Variants in UBE2W observed in about 807,000 individuals in gnomAD.
UBE2W encodes the protein ubiquitin conjugating enzyme E2 W.
Under a neutral mutation model 27.2 loss-of-function variants are expected in UBE2W, and 18 were observed. The ratio of observed to expected loss-of-function variants is 0.66; its 90% CI spans 0.46 to 0.98. UBE2W has a LOEUF of 0.98. Among genes scored for constraint, UBE2W ranks in the 50% least tolerant of loss-of-function variants. The probability of loss-of-function intolerance (pLI) is 0.00; values close to 1 mark genes in which losing one functional copy is unlikely to be tolerated. For missense variants in UBE2W, 90 were observed against 180.2 expected, an observed-to-expected ratio of 0.50 and a Z score of 2.87; for synonymous variants, 53 against 57.2, an observed-to-expected ratio of 0.93 and a Z score of 0.33.
In UBE2W at chr8:73,793,833, AAAAT is replaced by A. The variant is rs1297520381; in HGVS notation, c.*265_*268del. The A allele has an allele frequency of 8.5e-7, 1 of 1,177,002 alleles. No homozygotes were observed. Among genetic ancestry groups the A allele is most frequent in the Admixed American group, 4.5e-5 (1 of 22,282 alleles). The allele number at this position is 1,177,002 out of a possible 1,614,324, so 72.9% of individuals were successfully genotyped here. A position where few individuals can be genotyped will look rare whatever the true frequency, so the allele number is the denominator to read the frequency against. On this transcript the variant is annotated 3_prime_UTR_variant, in exon 6 of 6. Transcript: ENST00000602593. Reference sequence around the variant, plus strand: ...CCTGGAGCTTTTCCAAAAGCTTAAAAAAATAAAAATAAAAAATGGAATTATATTT... The same window carrying A: ...CCTGGAGCTTTTCCAAAAGCTTAAAAAAAAATAAAAAATGGAATTATATTT...
At chr8:73,857,183 A>C (rs889168473) in intron 1 of UBE2W, among the ~76,000 whole-genome samples, 3 of 152,166 alleles carry the variant, frequency 2.0e-5, no homozygotes, top group Admixed American at 2.0e-4. Context: ...GGATTTTACC[A>C]ATACTTTCTC....
chr8:73,817,338 A>G (rs896884637), intron 3 of UBE2W, among the ~76,000 whole-genome samples: 12 of 152,274 alleles, frequency 7.9e-5, no homozygotes, highest in Non-Finnish European at 1.6e-4. Context: ...AAAAATAATA[A>G]TGATAATTAA....
chr8:73,793,554 A>C lies in UBE2W; in HGVS notation c.*548T>G. ...GTCCTTTAAAGACGCATGTTAATTC[A>C]TGCTGTTAACCTTAGGATCACAGTG... On this transcript the variant is annotated 3_prime_UTR_variant, in exon 6 of 6. Coordinates refer to ENST00000602593, the MANE Select transcript of UBE2W (RefSeq NM_018299.6). The C allele has an allele frequency of 1.0e-6, 1 of 985,940 alleles. No homozygotes were observed. Among genetic ancestry groups the C allele is most frequent in the Middle Eastern group, 5.2e-4 (1 of 1,914 alleles). 61.1% of individuals were successfully genotyped at this position (985,940 alleles called of 1,614,324 possible).
At position 73,786,549 on chromosome 8, in the gene UBE2W, G is replaced by C. The variant is rs1461964702; in HGVS notation, c.*7553C>G. 1 of 985,344 alleles carries C rather than the reference G, an allele frequency of 1.0e-6. No homozygotes were observed. The highest frequency in any genetic ancestry group is 1.2e-6 in the Non-Finnish European group (1 of 829,946). The allele number at this position is 985,344 out of a possible 1,614,324, so 61.0% of individuals were successfully genotyped here. On this transcript the variant is annotated 3_prime_UTR_variant, in exon 6 of 6. Coordinates refer to ENST00000602593, the MANE Select transcript of UBE2W (RefSeq NM_018299.6). ...TGGTAGGGAGAGAAGAAAGGACAAG[G>C]ATGATAACCTTTCAGCTACCTTTGA... is the stretch of plus-strand genomic sequence containing the variant.
At chr8:73,796,054 C>G (rs1387471279) in intron 5 of UBE2W, 1 of 83,746 alleles carries the variant, frequency 1.2e-5, no homozygotes, top group South Asian at 5.3e-4. Context: ...CTAGCCAACA[C>G]CATCTCCAAA....
intron 5 of UBE2W, among the ~76,000 whole-genome samples, chr8:73,795,295 T>A (rs1444970379): frequency 6.6e-6 from 1 of 152,100 alleles, no homozygotes; most frequent in Non-Finnish European, 1.5e-5. Context: ...TCAGGAATGG[T>A]TTGGTGCCCT....
intron 1 of UBE2W, among the ~76,000 whole-genome samples, chr8:73,858,490 A>G (rs1163141416): frequency 1.3e-5 from 2 of 152,048 alleles, no homozygotes; most frequent in Non-Finnish European, 2.9e-5. Context: ...TTGCCAATTC[A>G]AGAAATTATC....
intron 1 of UBE2W, among the ~76,000 whole-genome samples, chr8:73,856,824 G>A (rs1442423701): frequency 6.6e-6 from 1 of 151,962 alleles, no homozygotes; most frequent in African/African-American, 2.4e-5. Context: ...TTGTGCCTCA[G>A]CCTCCCAAGT....
At chr8:73,821,934 C>T (rs73338467) in intron 3 of UBE2W, among the ~76,000 whole-genome samples, 5,165 of 152,218 alleles carry the variant, frequency 0.034, 259 homozygotes, top group African/African-American at 0.11. Context: ...TAGTCAAGGC[C>T]TGTAAAGTGT....
At chr8:73,781,311 ATTAG>A (rs1267908705), downstream of UBE2W, among the ~76,000 whole-genome samples, 1 of 151,664 alleles carries the variant, frequency 6.6e-6, no homozygotes, top group Admixed American at 6.6e-5. Context: ...CTTTCCAGCT[ATTAG>A]TTAATGGGCA....
At chr8:73,802,747 G>C (rs1435224100) in intron 5 of UBE2W, among the ~76,000 whole-genome samples, 2 of 152,148 alleles carry the variant, frequency 1.3e-5, no homozygotes, top group African/African-American at 4.8e-5. Context: ...AAATTGGCCG[G>C]GTGTGGAGGC....
intron 1 of UBE2W, among the ~76,000 whole-genome samples, chr8:73,861,308 A>T (rs1323063340): frequency 6.6e-6 from 1 of 152,164 alleles, no homozygotes; most frequent in East Asian, 1.9e-4. Context: ...TAGTGAACTG[A>T]TAAGTTCAGC....
intron 1 of UBE2W, among the ~76,000 whole-genome samples, chr8:73,852,423 G>T (rs1811119073): frequency 6.6e-6 from 1 of 152,080 alleles, no homozygotes; most frequent in African/African-American, 2.4e-5. Flanking sequence ...TGAAATATTT[G>T]TTTTCTGAAA....
chr8:73,781,619 G>GTTTTTTTTT (rs112691687), downstream of UBE2W, among the ~76,000 whole-genome samples: 3 of 140,916 alleles, frequency 2.1e-5, no homozygotes, highest in African/African-American at 2.5e-5. Flanking sequence ...TCAGGTTTGG[G>GTTTTTTTTT]TTTTTTTTTT....
At chr8:73,836,368 C>T (rs1312008414) in intron 1 of UBE2W, among the ~76,000 whole-genome samples, 1 of 152,210 alleles carries the variant, frequency 6.6e-6, no homozygotes, top group East Asian at 1.9e-4. Flanking sequence ...GTACATACTA[C>T]ATTCACAAAT....
At chr8:73,825,029 G>C (rs1363488127) in intron 3 of UBE2W, 118 bp downstream of exon 3, 1 of 618,004 alleles carries the variant, frequency 1.6e-6, no homozygotes, top group Admixed American at 3.0e-5. Context: ...ATAAGATAAT[G>C]AAATAACAAA....
intron 1 of UBE2W, among the ~76,000 whole-genome samples, chr8:73,856,662 T>C (rs1045450252): frequency 6.6e-6 from 1 of 152,008 alleles, no homozygotes; most frequent in African/African-American, 2.4e-5. Flanking sequence ...GCCACACTTA[T>C]GCATTTCTAA....
At chr8:73,785,765 T>C (rs1016715268), downstream of UBE2W, among the ~76,000 whole-genome samples, 2 of 152,124 alleles carry the variant, frequency 1.3e-5, no homozygotes, top group African/African-American at 2.4e-5. Flanking sequence ...ATTTTATTTT[T>C]AGTAGATACG....
At chr8:73,822,504 A>AAATAAACCC (rs1809656233) in intron 3 of UBE2W, among the ~76,000 whole-genome samples, 1 of 151,526 alleles carries the variant, frequency 6.6e-6, no homozygotes, top group African/African-American at 2.4e-5. Flanking sequence ...AACGATCAGG[A>AAATAAACCC]AATAAACCCA....
Sources: allele counts gnomAD v4.1 joint callset (sites outside exome capture counted in the v4.1 genomes callset), GRCh38; gene constraint gnomAD v4.1.1; transcripts MANE v1.5; gene names NCBI Gene and HGNC (gene_info 2026-07-23, HGNC 2026-07-21).